Variants in KIF5C observed in about 807,000 individuals in gnomAD.
The protein encoded by KIF5C is kinesin family member 5C.
Under a neutral mutation model 125.2 loss-of-function variants are expected in KIF5C, and 18 were observed. The ratio of observed to expected loss-of-function variants is 0.14; its 90% confidence interval spans 0.10 to 0.21. The LOEUF (loss-of-function observed/expected upper bound fraction) is 0.21. Ranked by LOEUF, KIF5C falls within the 10% of genes least tolerant of loss-of-function variation. The pLI is 1.00. For missense variants in KIF5C, 780 were observed against 1,183.8 expected (o/e 0.66, Z 5.01); for synonymous variants, 405 against 434.0 (o/e 0.93, Z 0.83).
chr2:148,885,576 G>A (rs950122620), intron 1 of KIF5C: 4 of 152,188 alleles, frequency 2.6e-5, no homozygotes, highest in Admixed American at 6.5e-5. Context: ...TGAACTGAAC[G>A]CTGGAAAATA....
chr2:148,875,600 T>TCCCCCC lies in KIF5C; in HGVS notation c.-15_-14insCCCCCC. On this transcript the variant is annotated 5_prime_UTR_variant, in exon 1 of 26. Coordinates refer to ENST00000435030, the MANE Select transcript of KIF5C (RefSeq NM_004522.3). ...GCCCCCCACCCATCCCCGTGCCCCC[T>TCCCCCC]CCCTACCGCCGGCCGAGATGGCGGA... is the stretch of plus-strand genomic sequence containing the variant. The TCCCCCC allele has an allele frequency of 4.4e-5, 11 of 249,734 alleles. No individual in the cohort carries two copies. The highest frequency in any genetic ancestry group is 2.3e-4 in the Admixed American group (2 of 8,772). 15.5% of individuals were successfully genotyped at this position (249,734 alleles called of 1,614,324 possible). A position where few individuals can be genotyped will look rare whatever the true frequency, so the allele number is the denominator to read the frequency against.
In KIF5C at chr2:149,008,084, C is replaced by CT. The variant is rs1558945836; in HGVS notation, c.2550+17_2550+18insT. ...CACAAGCAGGTAGGAGAGTTCTGCC[C>CT]GCTCCCCTCTGATTCCCTCCTCTCT... On this transcript the variant is annotated intron_variant, in intron 23 of 25. Transcript: ENST00000435030. 1 of 1,599,878 alleles carries CT rather than the reference C, an allele frequency of 6.3e-7. No homozygotes were observed. Among genetic ancestry groups the CT allele is most frequent in the Admixed American group, 1.7e-5 (1 of 59,510 alleles).
intron 24 of KIF5C, 21 bp downstream of exon 24, chr2:149,010,372 G>A (rs764975446): frequency 2.6e-6 from 4 of 1,523,924 alleles, no homozygotes; most frequent in Admixed American, 4.4e-5. Context: ...GCACAGTGGC[G>A]CCCGGGGTTT....
intron 1 of KIF5C, among the ~76,000 whole-genome samples, chr2:148,905,461 G>A (rs992995533): frequency 2.0e-5 from 3 of 152,144 alleles, no homozygotes; most frequent in African/African-American, 7.2e-5. Flanking sequence ...GTTTGCTAAG[G>A]GGACAGCTGT....
intron 23 of KIF5C, 90 bp downstream of exon 23, chr2:149,008,157 A>C (rs775915929): frequency 1.6e-5 from 23 of 1,416,980 alleles, no homozygotes; most frequent in Non-Finnish European, 2.1e-5. Flanking sequence ...CGGAGAAGGC[A>C]CTGAGATTGA....
intron 25 of KIF5C, among the ~76,000 whole-genome samples, chr2:149,017,789 T>G (rs1164037699): frequency 2.0e-5 from 3 of 152,216 alleles, no homozygotes; most frequent in Non-Finnish European, 4.4e-5. Context: ...TTGTAAACAG[T>G]ATACATTCCC....
intron 16 of KIF5C, among the ~76,000 whole-genome samples, chr2:148,992,277 T>C (rs1419099939): frequency 6.6e-6 from 1 of 152,224 alleles, no homozygotes; most frequent in Admixed American, 6.5e-5. Context: ...AAAATTGATA[T>C]ATTCATACAT....
At chr2:148,921,073 G>C (rs1011074885) in intron 1 of KIF5C, among the ~76,000 whole-genome samples, 1 of 152,190 alleles carries the variant, frequency 6.6e-6, no homozygotes. Context: ...CCTAGGGAAG[G>C]GGCTGTGTCT....
intron 3 of KIF5C, among the ~76,000 whole-genome samples, chr2:148,933,498 C>T (rs1227186715): frequency 4.6e-5 from 7 of 151,330 alleles, no homozygotes; most frequent in African/African-American, 1.2e-4. Flanking sequence ...GCACACCACG[C>T]ACATATACAC....
chr2:148,981,598 G>A (rs1205408733), intron 14 of KIF5C, 37 bp downstream of exon 14: 4 of 1,544,518 alleles, frequency 2.6e-6, no homozygotes, highest in Non-Finnish European at 3.5e-6. Flanking sequence ...GGACTTCCTT[G>A]GCTGCCGTTC....
intron 22 of KIF5C, among the ~76,000 whole-genome samples, 163 bp from the exon 23 acceptor site, chr2:149,007,800 A>C (rs1297213754): frequency 6.6e-6 from 1 of 151,922 alleles, no homozygotes; most frequent in Non-Finnish European, 1.5e-5. Flanking sequence ...AATAAGGGAA[A>C]TTAATTGGGG....
At chr2:148,976,075 T>C (rs1681056930) in intron 12 of KIF5C, among the ~76,000 whole-genome samples, 2 of 152,194 alleles carry the variant, frequency 1.3e-5, no homozygotes, top group Admixed American at 1.3e-4. Context: ...AGTACTGCTC[T>C]GCTCTTGGAG....
chr2:149,002,559 G>A (rs956878672), intron 21 of KIF5C, among the ~76,000 whole-genome samples: 3 of 151,988 alleles, frequency 2.0e-5, no homozygotes, highest in Non-Finnish European at 2.9e-5. Context: ...ACTAATGATC[G>A]TCCACACTTT....
chr2:148,916,424 C>T lies in KIF5C; in HGVS notation c.127-5713C>T, dbSNP rs1681554374. Among the ~76,000 whole-genome samples, 4 of 152,146 alleles carry T rather than the reference C, an allele frequency of 2.6e-5. No homozygotes were observed. In the South Asian group the frequency reaches 8.3e-4, roughly 32 times the overall value. On this transcript the variant is annotated intron_variant, in intron 1 of 25. Transcript: ENST00000435030. ...TCTTGGAAATTAAATGGCCCCTGTG[C>T]TCTGTGGAGCTGAGCTCAGGAGTCA...
chr2:149,003,534 C>G (rs567769820), intron 21 of KIF5C, among the ~76,000 whole-genome samples: 2 of 152,294 alleles, frequency 1.3e-5, no homozygotes, highest in South Asian at 4.1e-4. Context: ...GGAAGCTGAG[C>G]CTTGAGCTTT....
intron 25 of KIF5C, among the ~76,000 whole-genome samples, chr2:149,022,651 C>T (rs1038621298): frequency 1.3e-5 from 2 of 151,960 alleles, no homozygotes; most frequent in African/African-American, 4.8e-5. Context: ...TGGCCGGGCA[C>T]GGTGGCTTAT....
At chr2:149,020,416 G>A (rs1163949964) in intron 25 of KIF5C, 4 of 152,208 alleles carry the variant, frequency 2.6e-5, no homozygotes, top group Non-Finnish European at 4.4e-5. Context: ...CCTCCTTTGT[G>A]GCCCCGTGTT....
At chr2:148,917,531 G>C (rs1681607871) in intron 1 of KIF5C, among the ~76,000 whole-genome samples, 1 of 152,202 alleles carries the variant, frequency 6.6e-6, no homozygotes, top group Non-Finnish European at 1.5e-5. Context: ...AGAATTAAAT[G>C]GGCTAGAGTA....
At position 148,942,551 on chromosome 2, in the gene KIF5C, G is replaced by A. The variant is rs764331971; in HGVS notation, c.502-122G>A. 97 of 1,472,520 alleles carry A rather than the reference G, an allele frequency of 6.6e-5. No homozygotes were observed. The Middle Eastern group carries it at 8.7e-4, about 13-fold the overall frequency. 91.2% of individuals were successfully genotyped at this position (1,472,520 alleles called of 1,614,324 possible). A position where few individuals can be genotyped will look rare whatever the true frequency, so the allele number is the denominator to read the frequency against. On this transcript the variant is annotated intron_variant, in intron 6 of 25. Coordinates refer to ENST00000435030, the MANE Select transcript of KIF5C (RefSeq NM_004522.3). ...GGCAAGGAGGAAAAGTTGTTGGATC[G>A]ATATTTCAGCCTTTCTATTTATCTG...
Sources: gnomAD v4.1 joint callset for allele counts (sites outside exome capture counted in the v4.1 genomes callset) on GRCh38, gnomAD v4.1.1 for gene constraint, MANE v1.5 for transcripts, NCBI Gene and HGNC (gene_info 2026-07-23, HGNC 2026-07-21) for gene names.